Variants in PTPN14 observed in about 807,000 individuals in gnomAD.
PTPN14 encodes the protein tyrosine-protein phosphatase non-receptor type 14.
Under a neutral mutation model 126.8 loss-of-function variants are expected in PTPN14, and 53 were observed. The observed-to-expected ratio is 0.42, with a 90% confidence interval of 0.34 to 0.53. The LOEUF (loss-of-function observed/expected upper bound fraction) is 0.53. Ranked by LOEUF, PTPN14 falls within the 20% of genes least tolerant of loss-of-function variation. PTPN14 has a pLI of 0.08. For synonymous variants in PTPN14, 630 were observed against 599.3 expected (o/e 1.05, Z -0.75); for missense variants, 1,257 against 1,552.9 (o/e 0.81, Z 3.20).
chr1:214,455,509 G>C (rs951555338), intron 2 of PTPN14, among the ~76,000 whole-genome samples: 2 of 151,998 alleles, frequency 1.3e-5, no homozygotes, highest in Admixed American at 6.6e-5. Flanking sequence ...CCATTTTATT[G>C]CTCCAGTTTT....
intron 4 of PTPN14, among the ~76,000 whole-genome samples, chr1:214,413,638 T>C (rs989155833): frequency 6.6e-6 from 1 of 152,186 alleles, no homozygotes; most frequent in African/African-American, 2.4e-5. Context: ...AAAAACTATA[T>C]TACCATCTTC....
intron 1 of PTPN14, among the ~76,000 whole-genome samples, chr1:214,520,101 C>T (rs1314600604): frequency 8.0e-6 from 1 of 125,158 alleles, no homozygotes; most frequent in Non-Finnish European, 1.6e-5. Context: ...ATATGCAGAA[C>T]AGTCAGGTAT....
At chr1:214,526,532 G>GAA (rs57563748) in intron 1 of PTPN14, among the ~76,000 whole-genome samples, 6,433 of 141,518 alleles carry the variant, frequency 0.045, 278 homozygotes, top group African/African-American at 0.12. Flanking sequence ...ATGGTTAAAA[G>GAA]AAAAAAAAAA....
At chr1:214,545,760 G>T (rs1655954074) in intron 1 of PTPN14, among the ~76,000 whole-genome samples, 1 of 152,204 alleles carries the variant, frequency 6.6e-6, no homozygotes, top group South Asian at 2.1e-4. Context: ...TAACTCAATA[G>T]ATAGCAATGT....
intron 5 of PTPN14, among the ~76,000 whole-genome samples, chr1:214,409,766 ATACTCCTCATGCTCAG>A (rs1659259549): frequency 7.1e-6 from 1 of 140,214 alleles, no homozygotes; most frequent in Non-Finnish European, 1.5e-5. Context: ...CTCATGCTCA[ATACTCCTCATGCTCAG>A]TAAGACTTTA....
chr1:214,455,272 T>C (rs1014699473), intron 2 of PTPN14, among the ~76,000 whole-genome samples: 2 of 152,204 alleles, frequency 1.3e-5, no homozygotes, highest in Non-Finnish European at 2.9e-5. Flanking sequence ...ATTTAAACTC[T>C]AGCTCAATTT....
At chr1:214,496,756 T>C (rs2102425125) in intron 1 of PTPN14, among the ~76,000 whole-genome samples, 1 of 151,610 alleles carries the variant, frequency 6.6e-6, no homozygotes, top group East Asian at 1.9e-4. Flanking sequence ...ATTTCTATGA[T>C]TCAGTTTTAA....
intron 16 of PTPN14, 61 bp downstream of exon 16, chr1:214,372,650 C>G: frequency 6.2e-7 from 1 of 1,611,170 alleles, no homozygotes; most frequent in Middle Eastern, 1.8e-4. Flanking sequence ...AGCACAAAGC[C>G]CATCTTCTGG....
At chr1:214,395,116 T>A (rs1250670921) in intron 8 of PTPN14, 130 bp from the exon 9 acceptor site, 1 of 834,356 alleles carries the variant, frequency 1.2e-6, no homozygotes, top group East Asian at 2.5e-5. Context: ...TTAAGTGAAA[T>A]GTTCTTTCAA....
At chr1:214,433,049 G>A (rs974123455) in intron 3 of PTPN14, among the ~76,000 whole-genome samples, 6 of 151,958 alleles carry the variant, frequency 3.9e-5, no homozygotes, top group Admixed American at 1.3e-4. Context: ...GACTACAGGC[G>A]CCCACCACCA....
At chr1:214,512,695 T>A (rs1655007525) in intron 1 of PTPN14, among the ~76,000 whole-genome samples, 1 of 152,138 alleles carries the variant, frequency 6.6e-6, no homozygotes. Context: ...GCTAAAAAAA[T>A]ACGTATTATT....
chr1:214,385,116 G>A (rs1196167590), intron 12 of PTPN14, among the ~76,000 whole-genome samples: 2 of 152,298 alleles, frequency 1.3e-5, no homozygotes, highest in African/African-American at 2.4e-5. Context: ...TCCAGTTGGG[G>A]AGGCCTGTCC....
chr1:214,532,457 C>A, intron 1 of PTPN14: 1 of 822,016 alleles, frequency 1.2e-6, no homozygotes. Context: ...ACCACCTGGC[C>A]TCCTACCTGG....
intron 3 of PTPN14, among the ~76,000 whole-genome samples, chr1:214,416,695 G>C (rs1240034202): frequency 6.6e-6 from 1 of 152,194 alleles, no homozygotes; most frequent in African/African-American, 2.4e-5. Flanking sequence ...AGCAATGATA[G>C]GGTGCTATTA....
chr1:214,403,765 T>C (rs951813583), intron 5 of PTPN14, among the ~76,000 whole-genome samples: 1 of 152,170 alleles, frequency 6.6e-6, no homozygotes, highest in African/African-American at 2.4e-5. Flanking sequence ...AATGCATTCT[T>C]GAGAAATTGA....
intron 3 of PTPN14, among the ~76,000 whole-genome samples, chr1:214,420,131 G>A (rs188497898): frequency 6.4e-4 from 97 of 152,270 alleles, no homozygotes; most frequent in Non-Finnish European, 1.2e-3. Context: ...CTGCAACTAT[G>A]CAAAACTGAA....
chr1:214,531,507 C>T (rs1044095271), intron 1 of PTPN14: 50 of 146,744 alleles, frequency 3.4e-4, no homozygotes, highest in Non-Finnish European at 6.1e-4. Context: ...CTAACACACA[C>T]ACACACACAC....
At chr1:214,405,804 T>C (rs1443481904) in intron 5 of PTPN14, among the ~76,000 whole-genome samples, 1 of 152,238 alleles carries the variant, frequency 6.6e-6, no homozygotes, top group Non-Finnish European at 1.5e-5. Context: ...CAATGTATTA[T>C]GTCTTTTAAT....
chr1:214,393,660 G>A (rs1487977616), intron 10 of PTPN14, 35 bp downstream of exon 10: 13 of 1,389,170 alleles, frequency 9.4e-6, no homozygotes, highest in Non-Finnish European at 1.3e-5. Context: ...ATCTGACAAA[G>A]CCATCAAGTC....
Sources: gnomAD v4.1 joint callset for allele counts (sites outside exome capture counted in the v4.1 genomes callset) on GRCh38, gnomAD v4.1.1 for gene constraint, MANE v1.5 for transcripts, NCBI Gene and HGNC (gene_info 2026-07-23, HGNC 2026-07-21) for gene names.